The following RGS20 variants were observed in gnomAD, a reference collection of about 807,000 sequenced individuals.
The protein encoded by RGS20 is gz-selective GTPase-activating protein.
Under a neutral mutation model 33.6 loss-of-function variants are expected in RGS20, and 30 were observed. The observed-to-expected ratio is 0.89, with a 90% CI of 0.67 to 1.21. The LOEUF (loss-of-function observed/expected upper bound fraction) is 1.21. Among genes scored for constraint, RGS20 ranks in the 50% most tolerant of loss-of-function variants. The probability of loss-of-function intolerance (pLI) is 0.00; values close to 1 mark genes in which losing one functional copy is unlikely to be tolerated. For synonymous variants in RGS20, 208 were observed against 197.9 expected (o/e 1.05, Z -0.43); for missense variants, 472 against 502.4 (o/e 0.94, Z 0.58).
chr8:53,920,195 T>A (rs1465361111), intron 2 of RGS20, among the ~76,000 whole-genome samples: 1 of 152,182 alleles, frequency 6.6e-6, no homozygotes, highest in Non-Finnish European at 1.5e-5. Context: ...ATTCTTTACT[T>A]TCAACAATCG....
intron 1 of RGS20, among the ~76,000 whole-genome samples, chr8:53,857,739 G>A (rs1459604074): frequency 1.3e-5 from 2 of 152,142 alleles, no homozygotes; most frequent in East Asian, 1.9e-4. Flanking sequence ...TTTTAGATTC[G>A]GGATGCCAAG....
chr8:53,911,847 A>T (rs1283390984), intron 2 of RGS20, among the ~76,000 whole-genome samples: 3 of 152,224 alleles, frequency 2.0e-5, no homozygotes, highest in African/African-American at 7.2e-5. Context: ...AGACTGAGGC[A>T]TGAGAATCGC....
At chr8:53,930,628 C>G (rs1339129487) in intron 2 of RGS20, among the ~76,000 whole-genome samples, 1 of 152,192 alleles carries the variant, frequency 6.6e-6, no homozygotes, top group East Asian at 1.9e-4. Flanking sequence ...TCACTGCAAC[C>G]TCTGCCTCCG....
intron 2 of RGS20, among the ~76,000 whole-genome samples, chr8:53,906,650 C>G (rs1175531692): frequency 6.6e-6 from 1 of 152,150 alleles, no homozygotes; most frequent in East Asian, 1.9e-4. Context: ...GGCTGCAGTA[C>G]AGGAGGATAT....
intron 1 of RGS20, among the ~76,000 whole-genome samples, chr8:53,863,954 C>T (rs1401497745): frequency 6.6e-6 from 1 of 151,770 alleles, no homozygotes; most frequent in Non-Finnish European, 1.5e-5. Context: ...GTCTCAATCT[C>T]CTGACCTCGT....
rs186963289 is a variant in RGS20 at position 53,869,630 on chromosome 8, C to T, written c.166-9628C>T. On this transcript the variant is annotated intron_variant, in intron 1 of 5. Coordinates refer to ENST00000297313, the MANE Select transcript of RGS20 (RefSeq NM_170587.4). ...TTTGGAGGTTGCGGCGAGCCAAGAT[C>T]ACGCCACTACACTCCAGCCTAGGTG... 5.3e-3 allele frequency among the ~76,000 whole-genome samples: 814 copies of T among 152,234 alleles called. 7 individuals are homozygous for T. The highest frequency in any genetic ancestry group is 0.018 in the African/African-American group (756 of 41,542).
intron 2 of RGS20, among the ~76,000 whole-genome samples, chr8:53,903,285 C>G (rs1278334264): frequency 6.6e-6 from 1 of 152,148 alleles, no homozygotes; most frequent in Non-Finnish European, 1.5e-5. Context: ...AAGCACTGCC[C>G]TGTTTTACTG....
chr8:53,917,885 C>T (rs1053465192), intron 2 of RGS20, among the ~76,000 whole-genome samples: 4 of 152,186 alleles, frequency 2.6e-5, no homozygotes, highest in Non-Finnish European at 2.9e-5. Context: ...AGTCATTCTC[C>T]GTTCTCTCTC....
chr8:53,878,927 C>A (rs73680349), intron 1 of RGS20, among the ~76,000 whole-genome samples: 1,572 of 152,272 alleles, frequency 0.01, 15 homozygotes, highest in African/African-American at 0.026. Flanking sequence ...TACCGCATGT[C>A]ACATTCAGCG....
intron 1 of RGS20, among the ~76,000 whole-genome samples, chr8:53,854,075 A>G (rs924177007): frequency 7.2e-5 from 11 of 152,168 alleles, no homozygotes; most frequent in Non-Finnish European, 1.0e-4. Context: ...TGCAAAAATT[A>G]CCCCCAAATA....
intron 2 of RGS20, among the ~76,000 whole-genome samples, chr8:53,913,084 G>T (rs938601931): frequency 1.3e-5 from 2 of 151,896 alleles, no homozygotes; most frequent in African/African-American, 4.8e-5. Flanking sequence ...TCCTGCCTCG[G>T]CCTCCCAAGT....
intron 2 of RGS20, among the ~76,000 whole-genome samples, chr8:53,900,093 G>C (rs1344012350): frequency 6.6e-6 from 1 of 152,152 alleles, no homozygotes; most frequent in Non-Finnish European, 1.5e-5. Flanking sequence ...AGATGTCTGA[G>C]GGTGGGTAAA....
chr8:53,916,511 ATAT>A lies in RGS20; in HGVS notation c.511-23061_511-23059del, dbSNP rs1446400907. On this transcript the variant is annotated intron_variant, in intron 2 of 5. Coordinates refer to ENST00000297313, the MANE Select transcript of RGS20 (RefSeq NM_170587.4). Reference sequence around the variant, plus strand: ...TCTCTGAGTCTTATCTCAGAGGAAGATATTATCTGTTTTCTTCTGGGATCTGTT... The same window carrying A: ...TCTCTGAGTCTTATCTCAGAGGAAGATATCTGTTTTCTTCTGGGATCTGTT... Among the ~76,000 whole-genome samples the A allele has an allele frequency of 2.0e-5, 3 of 152,222 alleles. No individual in the cohort carries two copies. In the East Asian group the frequency reaches 5.8e-4, roughly 29 times the overall value.
chr8:53,903,715 C>G lies in RGS20; in HGVS notation c.510+24113C>G, dbSNP rs559833222. On this transcript the variant is annotated intron_variant, in intron 2 of 5. Transcript: ENST00000297313. ...AGGTATTTCCCAAGAAAAGCACACTCACCCTAAAGCCAGGTCCCTCCCTAC... is the reference window on the plus strand; with the variant it reads ...AGGTATTTCCCAAGAAAAGCACACTGACCCTAAAGCCAGGTCCCTCCCTAC... 5.9e-5 allele frequency among the ~76,000 whole-genome samples: 9 copies of G among 152,352 alleles called. No individual in the cohort carries two copies. The South Asian group carries it at 8.3e-4, about 14-fold the overall frequency.
chr8:53,952,215 T>A lies in RGS20; in HGVS notation c.744-1861T>A, dbSNP rs545271860. On this transcript the variant is annotated intron_variant, in intron 4 of 5. Transcript: ENST00000297313. ...GGCTCAGCCTCCCGAGTAGCTGGGA[T>A]TACAGGCACATGCCACCATGCCCAG... is the stretch of plus-strand genomic sequence containing the variant. 2.6e-3 allele frequency among the ~76,000 whole-genome samples: 361 copies of A among 137,636 alleles called. 1 individual carries two copies. The highest frequency in any genetic ancestry group is 9.3e-3 in the African/African-American group (347 of 37,348). The allele number at this position is 137,636 out of a possible 152,430, so 90.3% of individuals were successfully genotyped here.
chr8:53,856,464 C>T (rs1020921840), intron 1 of RGS20, among the ~76,000 whole-genome samples: 6 of 152,142 alleles, frequency 3.9e-5, no homozygotes, highest in Non-Finnish European at 7.3e-5. Context: ...TGTGATCCAC[C>T]TGCCTTGGCC....
At chr8:53,932,927 A>G (rs1814016830) in intron 2 of RGS20, among the ~76,000 whole-genome samples, 1 of 152,170 alleles carries the variant, frequency 6.6e-6, no homozygotes, top group African/African-American at 2.4e-5. Context: ...AGAGGAAGGA[A>G]CAGGCAGCTG....
At chr8:53,934,531 A>G (rs1000452123) in intron 2 of RGS20, among the ~76,000 whole-genome samples, 2 of 152,248 alleles carry the variant, frequency 1.3e-5, no homozygotes, top group African/African-American at 2.4e-5. Flanking sequence ...ACATAATGGT[A>G]AAGGGATCAA....
At chr8:53,896,475 C>T (rs770538850) in intron 2 of RGS20, among the ~76,000 whole-genome samples, 31 of 152,106 alleles carry the variant, frequency 2.0e-4, no homozygotes, top group Non-Finnish European at 3.8e-4. Context: ...ATGCTCTGGT[C>T]CCTCACTGAA....
Sources: allele counts gnomAD v4.1 joint callset (sites outside exome capture counted in the v4.1 genomes callset), GRCh38; gene constraint gnomAD v4.1.1; transcripts MANE v1.5; gene names NCBI Gene and HGNC (gene_info 2026-07-23, HGNC 2026-07-21).